PLCG1: variants seen among roughly 807,000 people sequenced by gnomAD.
PLCG1 encodes phospholipase C gamma 1.
PLCG1 carries 71 observed loss-of-function variants against 177.8 expected under a neutral mutation model. That is an observed-to-expected ratio of 0.40 (90% confidence interval 0.33 to 0.49). The LOEUF (loss-of-function observed/expected upper bound fraction) is 0.49, where lower values mean the gene tolerates loss of function less well. PLCG1 is among the 20% of genes least tolerant of loss of function. PLCG1 has a pLI of 0.72. For synonymous variants in PLCG1, 658 were observed against 647.9 expected (o/e 1.02, Z -0.24); for missense variants, 1,281 against 1,709.0 (o/e 0.75, Z 4.42).
rs2035627521 is a variant in PLCG1 at position 41,164,845 on chromosome 20, C to G, written c.1218-88C>G. 22 of 1,350,440 alleles carry G rather than the reference C, an allele frequency of 1.6e-5. No homozygotes were observed. In the South Asian group the frequency reaches 2.9e-4, roughly 18 times the overall value. 83.7% of individuals were successfully genotyped at this position (1,350,440 alleles called of 1,614,324 possible). On this transcript the variant is annotated intron_variant, in intron 12 of 31. Coordinates refer to ENST00000685551, the MANE Select transcript of PLCG1 (RefSeq NM_002660.3). This position sits in a 1 kb window ranked among gnomAD's most constrained non-coding sequence, Gnocchi z 6.4. ...TTTACAGACAAGAAGCCCCCAGGCC[C>G]TTGGCTTCCAACAGCTCACTGTGAG...
chr20:41,168,637 C>T, intron 20 of PLCG1, 130 bp from the exon 21 acceptor site: 1 of 639,872 alleles, frequency 1.6e-6, no homozygotes, highest in Non-Finnish European at 2.9e-6. Flanking sequence ...CTGTTGATGG[C>T]AGTGTCATCT....
Position 41,164,021 on chromosome 20 carries a change from G to A in PLCG1, c.1096+15G>A. The A allele has an allele frequency of 6.2e-7, 1 of 1,614,208 alleles. No individual in the cohort carries two copies. The highest frequency in any genetic ancestry group is 8.5e-7 in the Non-Finnish European group (1 of 1,180,028). ...CTGCATTGAGTGTGCGTGGGGTCCAGGGCTGGGGGAGGGAAGATGGGAGGC... is the reference window on the plus strand; with the variant it reads ...CTGCATTGAGTGTGCGTGGGGTCCAAGGCTGGGGGAGGGAAGATGGGAGGC... On this transcript the variant is annotated intron_variant, in intron 11 of 31. Coordinates refer to ENST00000685551, the MANE Select transcript of PLCG1 (RefSeq NM_002660.3). This position sits in a 1 kb window ranked among gnomAD's most constrained non-coding sequence, Gnocchi z 6.4.
Position 41,166,156 on chromosome 20 carries a change from T to C in PLCG1, c.1800-38T>C. 6.3e-7 allele frequency: 1 copy of C among 1,580,326 alleles called. No homozygotes were observed. The highest frequency in any genetic ancestry group is 8.6e-7 in the Non-Finnish European group (1 of 1,156,196). On this transcript the variant is annotated intron_variant, in intron 16 of 31. Transcript: ENST00000685551. This position sits in a 1 kb window ranked among gnomAD's most constrained non-coding sequence, Gnocchi z 8.6. ...GAACTTGGTCTTTGGGGCCCTGGCC[T>C]GTTTTCCCCAGCCTCCCTCACTCTG...
chr20:41,162,903 A>G (rs375935158), intron 6 of PLCG1, 55 bp from the exon 7 acceptor site: 66 of 1,563,242 alleles, frequency 4.2e-5, no homozygotes, highest in Non-Finnish European at 5.4e-5. Context: ...TTACTAGCCC[A>G]TTTCCCACAT....
Position 41,174,618 on chromosome 20 carries a change from C to T in PLCG1, c.*109C>T. On this transcript the variant is annotated 3_prime_UTR_variant, in exon 32 of 32. Transcript: ENST00000685551. The surrounding 1 kb of genome is among the most constrained non-coding windows in gnomAD (Gnocchi z 5.8). ...TGTGGCGGCCTTCCGGGTCTCGCAG[C>T]CTGAAGCCTGGATTCCAGCAGTGAA... 1.1e-6 allele frequency: 1 copy of T among 907,236 alleles called. No homozygotes were observed. Among genetic ancestry groups the T allele is most frequent in the Non-Finnish European group, 1.8e-6 (1 of 565,826 alleles). The allele number at this position is 907,236 out of a possible 1,614,324, so 56.2% of individuals were successfully genotyped here. A position where few individuals can be genotyped will look rare whatever the true frequency, so the allele number is the denominator to read the frequency against.
chr20:41,164,278 A>T lies in PLCG1; in HGVS notation c.1217+77A>T. 2 of 1,472,166 alleles carry T rather than the reference A, an allele frequency of 1.4e-6. No individual in the cohort carries two copies. The highest frequency in any genetic ancestry group is 1.1e-5 in the South Asian group (1 of 87,050). The allele number at this position is 1,472,166 out of a possible 1,614,324, so 91.2% of individuals were successfully genotyped here. On this transcript the variant is annotated intron_variant, in intron 12 of 31. Coordinates refer to ENST00000685551, the MANE Select transcript of PLCG1 (RefSeq NM_002660.3). This position sits in a 1 kb window ranked among gnomAD's most constrained non-coding sequence, Gnocchi z 6.4. ...TTCTAGAGGGACAGAGGGCAGAAAG[A>T]CTCCTCAAATGCCCTGTCCCCTCTC...
In PLCG1 at chr20:41,162,656, C is replaced by T; in HGVS notation, c.612C>T (p.Arg204=). The T allele has an allele frequency of 6.2e-7, 1 of 1,613,958 alleles. No individual in the cohort carries two copies. The highest frequency in any genetic ancestry group is 8.5e-7 in the Non-Finnish European group (1 of 1,179,906). ...ATACCATGCAGGACCTGGAGCAGCGCAGCGGGGACATCACCTACGGGCAGT... is the reference window on the plus strand; with the variant it reads ...ATACCATGCAGGACCTGGAGCAGCGTAGCGGGGACATCACCTACGGGCAGT... ...LRERLTDLEQ[R]SGDITYGQFA... Residue 204 remains arginine (R), a synonymous_variant, in exon 6 of 32, where the codon CGC becomes CGT. Transcript: ENST00000685551.
rs12480560 is a variant in PLCG1, at chr20:41,152,242, C to T, written c.218-7364C>T. 0.041 allele frequency among the ~76,000 whole-genome samples: 6,317 copies of T among 152,294 alleles called. 758 individuals carry two copies. In the East Asian group the frequency reaches 0.48, roughly 12 times the overall value. On this transcript the variant is annotated intron_variant, in intron 1 of 31. Transcript: ENST00000685551. ...TCTTCTGACCCCTGGGACCACTCTCCTGAATCTCCTCATGGTCTTGGCTTC... is the reference window on the plus strand; with the variant it reads ...TCTTCTGACCCCTGGGACCACTCTCTTGAATCTCCTCATGGTCTTGGCTTC...
rs1295351986 is a variant in PLCG1 at position 41,172,258 on chromosome 20, C to G, written c.2874C>G (p.Val958=). ...KIALELSELV[V]YCRPVPFDEE... Reference sequence around the variant, plus strand: ...CCCTGGAGCTCTCTGAACTTGTCGTCTACTGCCGGCCTGTTCCCTTTGATG... The same window carrying G: ...CCCTGGAGCTCTCTGAACTTGTCGTGTACTGCCGGCCTGTTCCCTTTGATG... The change falls in exon 25 of 32, where the codon GTC becomes GTG. Residue 958 remains valine (V), a synonymous_variant. Transcript: ENST00000685551. The surrounding 1 kb of genome is among the most constrained non-coding windows in gnomAD (Gnocchi z 7.0). 5 of 1,614,092 alleles carry G rather than the reference C, an allele frequency of 3.1e-6. No individual in the cohort carries two copies. The East Asian group carries it at 8.9e-5, about 29-fold the overall frequency.
intron 1 of PLCG1, among the ~76,000 whole-genome samples, chr20:41,155,841 AAG>A (rs937050652): frequency 2.0e-5 from 3 of 152,248 alleles, no homozygotes; most frequent in African/African-American, 7.2e-5. Context: ...CATGTGAGGT[AAG>A]AGGAATTTCC....
At chr20:41,162,409 G>T in intron 4 of PLCG1, 43 bp from the exon 5 acceptor site, 1 of 1,500,096 alleles carries the variant, frequency 6.7e-7, no homozygotes, top group South Asian at 1.1e-5. Flanking sequence ...CAGAGGTCAT[G>T]AGAAGCTGGA....
Position 41,174,658 on chromosome 20 carries a change from C to G in PLCG1, c.*149C>G, listed in dbSNP as rs984623783. The G allele has an allele frequency of 8.6e-5, 60 of 695,000 alleles. 1 individual carries two copies. The highest frequency in any genetic ancestry group is 1.0e-5 in the Non-Finnish European group (4 of 397,156). 43.1% of individuals were successfully genotyped at this position (695,000 alleles called of 1,614,324 possible). On this transcript the variant is annotated 3_prime_UTR_variant, in exon 32 of 32. Coordinates refer to ENST00000685551, the MANE Select transcript of PLCG1 (RefSeq NM_002660.3). The surrounding 1 kb of genome is among the most constrained non-coding windows in gnomAD (Gnocchi z 5.8). Reference sequence around the variant, plus strand: ...CCAGCAGTGAATGCTAGACAGAAACCAAGCCATTAATGAGATGTTATTACT... The same window carrying G: ...CCAGCAGTGAATGCTAGACAGAAACGAAGCCATTAATGAGATGTTATTACT...
chr20:41,167,800 T>C lies in PLCG1; in HGVS notation c.2302-52T>C, dbSNP rs113698715. On this transcript the variant is annotated intron_variant, in intron 19 of 31. Transcript: ENST00000685551. The surrounding 1 kb of genome is among the most constrained non-coding windows in gnomAD (Gnocchi z 4.4). ...CTGCTCCAGAAACCAGTAGCTGCTT[T>C]CTACCTCTGGGCTCTGGGGCATTAA... 7.5e-6 allele frequency: 10 copies of C among 1,333,840 alleles called. No homozygotes were observed. The highest frequency in any genetic ancestry group is 2.9e-5 in the African/African-American group (2 of 69,728). The allele number at this position is 1,333,840 out of a possible 1,614,324, so 82.6% of individuals were successfully genotyped here.
intron 1 of PLCG1, among the ~76,000 whole-genome samples, chr20:41,149,021 G>C (rs1364233077): frequency 6.6e-6 from 1 of 152,172 alleles, no homozygotes; most frequent in African/African-American, 2.4e-5. Context: ...TAAAATATAA[G>C]GCAGTTTTTA....
At chr20:41,171,094 A>G (rs2035882493) in intron 24 of PLCG1, among the ~76,000 whole-genome samples, 1 of 152,206 alleles carries the variant, frequency 6.6e-6, no homozygotes, top group African/African-American at 2.4e-5. Context: ...GGGTTAGGGA[A>G]TTCCTACTTG....
Position 41,165,275 on chromosome 20 carries a change from G to A in PLCG1, c.1417G>A (p.Glu473Lys), listed in dbSNP as rs1323965669. 1.2e-6 allele frequency: 2 copies of A among 1,613,988 alleles called. No homozygotes were observed. The highest frequency in any genetic ancestry group is 1.7e-6 in the Non-Finnish European group (2 of 1,180,006). Residue 473 changes from glutamate to lysine, a missense_variant, in exon 14 of 32, where the codon GAG becomes AAG. Physicochemically the swap from Glu to Lys is moderately conservative, Grantham distance 56. Transcript: ENST00000685551. This position sits in a 1 kb window ranked among gnomAD's most constrained non-coding sequence, Gnocchi z 6.6. ...HKKLAEGSAYEEVPTSMMYSE... is the reference protein window; with the variant it reads ...HKKLAEGSAYKEVPTSMMYSE... ...GAAGCTGGCTGAGGGCAGTGCCTAC[G>A]AGGAGGTGCCTACATCCATGATGTA...
chr20:41,156,243 T>G lies in PLCG1; in HGVS notation c.218-3363T>G, dbSNP rs2035317849. 6.6e-6 allele frequency among the ~76,000 whole-genome samples: 1 copy of G among 152,166 alleles called. No homozygotes were observed. Among genetic ancestry groups the G allele is most frequent in the African/African-American group, 2.4e-5 (1 of 41,438 alleles). Reference sequence around the variant, plus strand: ...CCCTCACTGCCCCAAGCAGCTTATCTTGTCACTGTCTACCATAGCCACATT... The same window carrying G: ...CCCTCACTGCCCCAAGCAGCTTATCGTGTCACTGTCTACCATAGCCACATT... On this transcript the variant is annotated intron_variant, in intron 1 of 31. Transcript: ENST00000685551. This position sits in a 1 kb window ranked among gnomAD's most constrained non-coding sequence, Gnocchi z 5.0.
Position 41,166,248 on chromosome 20 carries a change from C to T in PLCG1, c.1854C>T (p.Thr618=). The change falls in exon 17 of 32, where the codon ACC becomes ACT. Residue 618 remains threonine, a synonymous_variant. Coordinates refer to ENST00000685551, the MANE Select transcript of PLCG1 (RefSeq NM_002660.3). This position sits in a 1 kb window ranked among gnomAD's most constrained non-coding sequence, Gnocchi z 8.6. Reference sequence around the variant, plus strand: ...TCCACTCCCGGCAAGATGCTGGGACCCCCAAGTTCTTCTTGACAGACAACC... The same window carrying T: ...TCCACTCCCGGCAAGATGCTGGGACTCCCAAGTTCTTCTTGACAGACAACC... ...CRIHSRQDAG[T]PKFFLTDNLV... is the part of the protein sequence containing the mutation. 1 of 1,614,112 alleles carries T rather than the reference C, an allele frequency of 6.2e-7. No individual in the cohort carries two copies. The highest frequency in any genetic ancestry group is 8.5e-7 in the Non-Finnish European group (1 of 1,180,028).
At chr20:41,155,760 A>G (rs1231258378) in intron 1 of PLCG1, among the ~76,000 whole-genome samples, 1 of 152,164 alleles carries the variant, frequency 6.6e-6, no homozygotes, top group Non-Finnish European at 1.5e-5. Flanking sequence ...CACTAGGCAC[A>G]CAGGTAGACA....
Sources: allele counts gnomAD v4.1 joint callset (sites outside exome capture counted in the v4.1 genomes callset), GRCh38; gene constraint gnomAD v4.1.1; non-coding constraint Gnocchi (gnomAD v3.1); transcripts MANE v1.5; gene names NCBI Gene and HGNC (gene_info 2026-07-23, HGNC 2026-07-21).